Variants in MAGED1 observed in about 807,000 individuals in gnomAD.
MAGED1 encodes the protein MAGE family member D1, also known as melanoma-associated antigen D1.
MAGED1 carries 3 observed loss-of-function variants against 54.1 expected under a neutral mutation model. The observed-to-expected ratio is 0.06, with a 90% CI of 0.03 to 0.14. MAGED1 has a LOEUF of 0.14. Among genes scored for constraint, MAGED1 ranks in the 10% least tolerant of loss-of-function variants. The pLI is 1.00. For missense variants in MAGED1, 485 were observed against 623.4 expected, an observed-to-expected ratio of 0.78 and a Z score of 2.36; for synonymous variants, 217 against 227.3, an observed-to-expected ratio of 0.95 and a Z score of 0.41.
intron 1 of MAGED1, among the ~76,000 whole-genome samples, chrX:51,887,573 C>CAA (rs200089838): frequency 0.014 from 1,500 of 110,813 alleles, 7 homozygotes; most frequent in Admixed American, 0.024. Flanking sequence ...AAAAACAATT[C>CAA]AAAGGAAGAA....
At chrX:51,844,398 A>T (rs1241595827) in intron 1 of MAGED1, among the ~76,000 whole-genome samples, 1 of 112,513 alleles carries the variant, frequency 8.9e-6, no homozygotes, top group East Asian at 2.8e-4. Flanking sequence ...CTCGATGCTC[A>T]TTAAAATGTG....
At chrX:51,874,719 T>C (rs944854675) in intron 1 of MAGED1, among the ~76,000 whole-genome samples, 93 of 111,094 alleles carry the variant, frequency 8.4e-4, no homozygotes, top group Non-Finnish European at 2.8e-4. Context: ...TTAATGTGCT[T>C]ATCTGCTAAT....
chrX:51,872,285 A>T (rs1217985064), intron 1 of MAGED1, among the ~76,000 whole-genome samples: 1 of 111,521 alleles, frequency 9.0e-6, no homozygotes, highest in African/African-American at 3.3e-5. Flanking sequence ...GTTTAATTAG[A>T]TCCCATTTGT....
rs782656943 is a variant in MAGED1 at position 51,809,200 on chromosome X, C to T, written c.-37+6083C>T. 1.1e-3 allele frequency among the ~76,000 whole-genome samples: 125 copies of T among 111,342 alleles called. 1 individual carries two copies. The highest frequency in any genetic ancestry group is 4.6e-3 in the Middle Eastern group (1 of 217). On this transcript the variant is annotated intron_variant, in intron 1 of 12. Coordinates refer to the MAGED1 transcript ENST00000375772. ...CGCGATCTCTGCTCACTGCAATCTC[C>T]GCCTGCCGGGTTCACGCCATTCTTC...
intron 1 of MAGED1, among the ~76,000 whole-genome samples, chrX:51,835,917 A>C (rs1926230064): frequency 9.0e-6 from 1 of 111,705 alleles, no homozygotes; most frequent in Non-Finnish European, 1.9e-5. Flanking sequence ...ACTTCAAAAA[A>C]ATTCTTTTCT....
At chrX:51,893,058 G>T (rs782318413), upstream of MAGED1, among the ~76,000 whole-genome samples, 1 of 110,587 alleles carries the variant, frequency 9.0e-6, no homozygotes, top group Non-Finnish European at 1.9e-5. Context: ...TTCTTTCTGC[G>T]TCTGGGAGCT....
intron 5 of MAGED1, 45 bp downstream of exon 5, chrX:51,897,316 C>T (rs1557364438): frequency 9.0e-7 from 1 of 1,112,152 alleles, no homozygotes; most frequent in Non-Finnish European, 1.2e-6. Context: ...CTTCCCTTCA[C>T]TCCATGCTCT....
chrX:51,848,961 G>A (rs782759142), intron 1 of MAGED1, among the ~76,000 whole-genome samples: 1 of 74,601 alleles, frequency 1.3e-5, no homozygotes, highest in Non-Finnish European at 2.6e-5. Flanking sequence ...TTTTCATCTC[G>A]TTTAAGGAAT....
chrX:51,848,771 C>T (rs894942513), intron 1 of MAGED1, among the ~76,000 whole-genome samples: 1 of 112,184 alleles, frequency 8.9e-6, no homozygotes, highest in African/African-American at 3.2e-5. Flanking sequence ...ACAGGACTTT[C>T]CTGAGAATTT....
chrX:51,887,557 A>T (rs1307422380), intron 1 of MAGED1, among the ~76,000 whole-genome samples: 2 of 110,646 alleles, frequency 1.8e-5, no homozygotes, highest in East Asian at 2.8e-4. Flanking sequence ...TTTTCGACAA[A>T]GGTACAAAAA....
intron 1 of MAGED1, among the ~76,000 whole-genome samples, chrX:51,881,596 C>T (rs928524820): frequency 9.2e-6 from 1 of 108,189 alleles, no homozygotes; most frequent in African/African-American, 3.4e-5. Flanking sequence ...TTTGTATTTT[C>T]AGTAGAGACG....
chrX:51,895,324 C>T lies in MAGED1; in HGVS notation c.317C>T (p.Thr106Met). The T allele has an allele frequency of 3.3e-6, 4 of 1,210,816 alleles. No individual in the cohort carries two copies. The highest frequency in any genetic ancestry group is 4.5e-6 in the Non-Finnish European group (4 of 895,019). The change falls in exon 3 of 13, where the codon ACG (threonine) becomes ATG (methionine). Residue 106 changes from threonine (T) to methionine (M), a missense_variant. Around this residue, in one of 2 missense-constraint regions of MAGED1, gnomAD observed 299 missense variants for 293.1 expected, o/e 1.02. Coordinates refer to ENST00000326587, the MANE Select transcript of MAGED1 (RefSeq NM_006986.4). ...QAHNAKDVPN[T>M]QPKAAFKSQN... ...CATAATGCCAAGGATGTGCCCAACA[C>T]GCAGCCCAAGGCAGCCTTTAAGTCC...
chrX:51,893,656 G>C lies in MAGED1; in HGVS notation c.-136G>C, dbSNP rs1557363797. ...GCGCTGGCATTTTCTCCTGGACAAG[G>C]AGAGAGTGCGGCTGCTGAGAGCCGA... is the stretch of plus-strand genomic sequence containing the variant. On this transcript the variant is annotated 5_prime_UTR_variant, in exon 1 of 13. Coordinates refer to ENST00000326587, the MANE Select transcript of MAGED1 (RefSeq NM_006986.4). The C allele has an allele frequency of 8.8e-6, 1 of 113,554 alleles. No homozygotes were observed. The highest frequency in any genetic ancestry group is 9.2e-5 in the Admixed American group (1 of 10,864). 9.4% of individuals were successfully genotyped at this position (113,554 alleles called of 1,213,427 possible).
At chrX:51,820,063 T>A (rs1276513448) in intron 1 of MAGED1, among the ~76,000 whole-genome samples, 2 of 111,693 alleles carry the variant, frequency 1.8e-5, no homozygotes, top group Admixed American at 1.9e-4. Flanking sequence ...CTTGGCACTC[T>A]TGTCAAAAGT....
intron 1 of MAGED1, among the ~76,000 whole-genome samples, chrX:51,887,228 G>A (rs1411110144): frequency 9.0e-6 from 1 of 111,612 alleles, no homozygotes; most frequent in Non-Finnish European, 1.9e-5. Context: ...CACATTCATG[G>A]ATTGTAAGAA....
chrX:51,822,883 ACT>A (rs1339493683), intron 1 of MAGED1, among the ~76,000 whole-genome samples: 1 of 109,685 alleles, frequency 9.1e-6, no homozygotes, highest in Non-Finnish European at 1.9e-5. Context: ...ATTTCAAAGA[ACT>A]CTCTCATTTC....
chrX:51,825,264 A>G (rs1236815743), intron 1 of MAGED1, among the ~76,000 whole-genome samples: 3 of 110,864 alleles, frequency 2.7e-5, no homozygotes, highest in Non-Finnish European at 5.7e-5. Context: ...TGTTTAGGTG[A>G]TGGCTACTCA....
intron 1 of MAGED1, among the ~76,000 whole-genome samples, chrX:51,855,248 A>G (rs782214709): frequency 1.2e-4 from 13 of 112,471 alleles, no homozygotes; most frequent in Non-Finnish European, 2.1e-4. Context: ...ATTTTACATT[A>G]TAAAAGTAGA....
At chrX:51,865,678 A>G (rs1054107016) in intron 1 of MAGED1, among the ~76,000 whole-genome samples, 31 of 111,599 alleles carry the variant, frequency 2.8e-4, no homozygotes, top group African/African-American at 1.0e-3. Context: ...TAGTCAAGTA[A>G]TTCAGGGCTC....
Sources: gnomAD v4.1 joint callset for allele counts (sites outside exome capture counted in the v4.1 genomes callset) on GRCh38, gnomAD v4.1.1 for gene constraint, gnomAD v4.1.1 regional missense constraint, MANE v1.5 for transcripts, NCBI Gene and HGNC (gene_info 2026-07-23, HGNC 2026-07-21) for gene names.